PLBD1: variants seen among roughly 807,000 people sequenced by gnomAD.
The protein encoded by PLBD1 is lysosomal leucine aminopeptidase.
In PLBD1, 60 loss-of-function variants were observed where a neutral mutation model predicts 63.0. The ratio of observed to expected loss-of-function variants is 0.95; its 90% CI spans 0.77 to 1.18. The LOEUF (loss-of-function observed/expected upper bound fraction) is 1.18. PLBD1 is among the 50% of genes most tolerant of loss of function. The pLI is 0.00. For missense variants in PLBD1, 598 were observed against 677.9 expected (o/e 0.88, Z 1.31); for synonymous variants, 262 against 248.0 (o/e 1.06, Z -0.53).
chr12:14,505,943 C>CAGAA (rs1411380226), intron 10 of PLBD1, among the ~76,000 whole-genome samples: 2 of 152,144 alleles, frequency 1.3e-5, no homozygotes, highest in African/African-American at 2.4e-5. Flanking sequence ...GATGAGGAAA[C>CAGAA]AGAAACATGA....
chr12:14,517,662 C>G (rs560055366), intron 6 of PLBD1, among the ~76,000 whole-genome samples: 1 of 152,104 alleles, frequency 6.6e-6, no homozygotes, highest in Non-Finnish European at 1.5e-5. Flanking sequence ...TTATGGAAGG[C>G]AGAATTTGTA....
intron 1 of PLBD1, among the ~76,000 whole-genome samples, chr12:14,554,782 C>T (rs1945688581): frequency 6.6e-6 from 1 of 151,908 alleles, no homozygotes; most frequent in East Asian, 1.9e-4. Context: ...CTTCCACGGC[C>T]TTTGGGACAC....
At chr12:14,525,995 C>T (rs1346940638) in intron 6 of PLBD1, among the ~76,000 whole-genome samples, 1 of 45,736 alleles carries the variant, frequency 2.2e-5, no homozygotes, top group African/African-American at 6.2e-5. Context: ...ATAAATATAG[C>T]TAGAAAGCCA....
At chr12:14,552,800 C>T (rs1038917546) in intron 2 of PLBD1, among the ~76,000 whole-genome samples, 2 of 152,144 alleles carry the variant, frequency 1.3e-5, no homozygotes, top group Non-Finnish European at 2.9e-5. Flanking sequence ...GAAGTAAGTG[C>T]CATGAGAATT....
intron 3 of PLBD1, among the ~76,000 whole-genome samples, chr12:14,541,820 C>A (rs1343471943): frequency 1.3e-5 from 2 of 152,126 alleles, no homozygotes; most frequent in African/African-American, 2.4e-5. Context: ...TTGAAGACCT[C>A]AGCTAGGATT....
At chr12:14,514,498 T>C (rs1945323390) in intron 6 of PLBD1, among the ~76,000 whole-genome samples, 1 of 152,086 alleles carries the variant, frequency 6.6e-6, no homozygotes, top group South Asian at 2.1e-4. Flanking sequence ...GTTTAAGGAG[T>C]AGTCTTTCAT....
Position 14,535,698 on chromosome 12 carries a change from C to T in PLBD1, c.805G>A (p.Asp269Asn). Residue 269 changes from aspartate to asparagine, a missense_variant, in exon 6 of 11, where the codon GAT becomes AAT. Transcript: ENST00000240617. ...AAAGAGAGGCGACTACTGCTGGTAT[C>T]TTTATCTATGACGTTGAAGTCCCAG... is the stretch of plus-strand genomic sequence containing the variant. ...KHWDFNVIDKDTSSSRLSFSS... is the reference protein window; with the variant it reads ...KHWDFNVIDKNTSSSRLSFSS... 6.2e-7 allele frequency: 1 copy of T among 1,614,034 alleles called. No individual in the cohort carries two copies. Among genetic ancestry groups the T allele is most frequent in the Non-Finnish European group, 8.5e-7 (1 of 1,179,930 alleles).
At chr12:14,509,104 A>G (rs919271371) in intron 8 of PLBD1, among the ~76,000 whole-genome samples, 10 of 152,116 alleles carry the variant, frequency 6.6e-5, no homozygotes, top group African/African-American at 2.2e-4. Flanking sequence ...TGGCAACAAT[A>G]ACACTTATGG....
intron 10 of PLBD1, among the ~76,000 whole-genome samples, chr12:14,505,763 G>C (rs950505692): frequency 6.6e-6 from 1 of 152,204 alleles, no homozygotes; most frequent in Non-Finnish European, 1.5e-5. Flanking sequence ...TGAATAATAT[G>C]TTCTTTGGAC....
intron 2 of PLBD1, among the ~76,000 whole-genome samples, chr12:14,542,920 G>A (rs1184438132): frequency 2.6e-5 from 4 of 152,096 alleles, no homozygotes; most frequent in African/African-American, 7.2e-5. Context: ...GGTGGCGGGC[G>A]CCTGTAGTCC....
intron 6 of PLBD1, among the ~76,000 whole-genome samples, chr12:14,516,367 A>C (rs576600428): frequency 1.3e-5 from 2 of 152,070 alleles, no homozygotes; most frequent in African/African-American, 4.8e-5. Context: ...ACAACAAAAA[A>C]GGCTAAGCAA....
chr12:14,516,609 C>A (rs1414518857), intron 6 of PLBD1, among the ~76,000 whole-genome samples: 1 of 152,068 alleles, frequency 6.6e-6, no homozygotes, highest in East Asian at 1.9e-4. Context: ...GATAGCATAC[C>A]TGTATATAAT....
intron 1 of PLBD1, among the ~76,000 whole-genome samples, chr12:14,554,911 C>T (rs563892057): frequency 1.3e-5 from 2 of 152,174 alleles, no homozygotes; most frequent in Non-Finnish European, 2.9e-5. Flanking sequence ...TTCCATCGCA[C>T]TAGAGATTCG....
At chr12:14,543,010 TA>T (rs1032887683) in intron 2 of PLBD1, among the ~76,000 whole-genome samples, 23 of 152,270 alleles carry the variant, frequency 1.5e-4, no homozygotes, top group African/African-American at 3.1e-4. Flanking sequence ...TTTTAAAACT[TA>T]AAAAAATTAA....
chr12:14,517,331 G>C (rs935936202), intron 6 of PLBD1, among the ~76,000 whole-genome samples: 1 of 152,018 alleles, frequency 6.6e-6, no homozygotes, highest in African/African-American at 2.4e-5. Context: ...ATTTTTTGTA[G>C]AGACGGGGGT....
At chr12:14,547,695 T>C (rs934063883) in intron 2 of PLBD1, among the ~76,000 whole-genome samples, 9 of 148,946 alleles carry the variant, frequency 6.0e-5, no homozygotes, top group African/African-American at 2.3e-4. Context: ...CAAAAAGACA[T>C]GTGCACACCC....
chr12:14,530,170 A>T (rs964966833), intron 6 of PLBD1: 11 of 152,278 alleles, frequency 7.2e-5, no homozygotes, highest in African/African-American at 1.9e-4. Flanking sequence ...CATGAAGGAC[A>T]TTCAAGCAGT....
At chr12:14,529,641 ATC>A (rs1945443902) in intron 6 of PLBD1, among the ~76,000 whole-genome samples, 1 of 152,220 alleles carries the variant, frequency 6.6e-6, no homozygotes, top group South Asian at 2.1e-4. Flanking sequence ...TATAAAGGGC[ATC>A]TACAAAAAAT....
At chr12:14,551,690 T>C (rs1945660647) in intron 2 of PLBD1, among the ~76,000 whole-genome samples, 1 of 44,890 alleles carries the variant, frequency 2.2e-5, no homozygotes, top group African/African-American at 4.4e-5. Flanking sequence ...AGATTAGAGC[T>C]GCTTTCTGCA....
Sources: allele counts gnomAD v4.1 joint callset (sites outside exome capture counted in the v4.1 genomes callset), GRCh38; gene constraint gnomAD v4.1.1; transcripts MANE v1.5; gene names NCBI Gene and HGNC (gene_info 2026-07-23, HGNC 2026-07-21).